Variants in SLC4A4 observed in about 807,000 individuals in gnomAD.
SLC4A4 encodes the protein solute carrier family 4 member 4, also known as electrogenic sodium bicarbonate cotransporter 1.
In SLC4A4, 27 loss-of-function variants were observed where a neutral mutation model predicts 111.5. That is an observed-to-expected ratio of 0.24 (90% CI 0.18 to 0.33). The LOEUF (loss-of-function observed/expected upper bound fraction) is 0.33, where lower values mean the gene tolerates loss of function less well. Among genes scored for constraint, SLC4A4 ranks in the 10% least tolerant of loss-of-function variants. The probability of loss-of-function intolerance (pLI) is 1.00; values close to 1 mark genes in which losing one functional copy is unlikely to be tolerated. For synonymous variants in SLC4A4, 443 were observed against 463.4 expected, an observed-to-expected ratio of 0.96 and a Z score of 0.57; for missense variants, 909 against 1,315.5, an observed-to-expected ratio of 0.69 and a Z score of 4.78.
chr4:71,268,136 A>G (rs1348964748), intron 3 of SLC4A4, among the ~76,000 whole-genome samples: 1 of 129,102 alleles, frequency 7.7e-6, no homozygotes, highest in Non-Finnish European at 1.6e-5. Context: ...TGGCATTGAC[A>G]CGTGAGGTGC....
At chr4:71,393,124 C>A (rs1248368124) in intron 6 of SLC4A4, among the ~76,000 whole-genome samples, 1 of 152,098 alleles carries the variant, frequency 6.6e-6, no homozygotes, top group Non-Finnish European at 1.5e-5. Context: ...AGGATGCCCA[C>A]TTTCACCACC....
intron 7 of SLC4A4, among the ~76,000 whole-genome samples, chr4:71,429,200 A>T (rs1265374063): frequency 1.3e-5 from 2 of 152,084 alleles, no homozygotes; most frequent in Non-Finnish European, 2.9e-5. Flanking sequence ...AGATAACCTA[A>T]AATATGTGAA....
intron 3 of SLC4A4, among the ~76,000 whole-genome samples, chr4:71,332,732 G>A (rs1728117331): frequency 6.6e-6 from 1 of 152,094 alleles, no homozygotes; most frequent in Admixed American, 6.5e-5. Flanking sequence ...GCGCCCGGCC[G>A]ACTGTGTATT....
At chr4:71,468,400 G>C (rs1330122629) in intron 13 of SLC4A4, among the ~76,000 whole-genome samples, 1 of 151,972 alleles carries the variant, frequency 6.6e-6, no homozygotes, top group African/African-American at 2.4e-5. Context: ...ATCCCAGTTT[G>C]TTTTAAGTAA....
intron 24 of SLC4A4, among the ~76,000 whole-genome samples, chr4:71,565,078 TG>T (rs1737339423): frequency 6.6e-6 from 1 of 151,278 alleles, no homozygotes; most frequent in Non-Finnish European, 1.5e-5. Context: ...AGTGTGGGAG[TG>T]GGCCCAAGAA....
chr4:71,533,272 C>T (rs970819842), intron 17 of SLC4A4, among the ~76,000 whole-genome samples: 6 of 152,076 alleles, frequency 3.9e-5, no homozygotes, highest in Admixed American at 3.9e-4. Flanking sequence ...TTGAGTCAGG[C>T]TCTAAGCTGG....
At chr4:71,437,645 C>A in intron 7 of SLC4A4, 1 of 507,128 alleles carries the variant, frequency 2.0e-6, no homozygotes, top group South Asian at 1.5e-5. Context: ...AGTTTATCAC[C>A]CAAACCTTTT....
chr4:71,544,262 G>T (rs1456188071), intron 18 of SLC4A4, among the ~76,000 whole-genome samples: 9 of 152,008 alleles, frequency 5.9e-5, no homozygotes, highest in African/African-American at 2.2e-4. Flanking sequence ...GTTAATTTAA[G>T]CCTTAAGGAT....
chr4:71,156,597 C>CCCACAT, intron 2 of SLC4A4, among the ~76,000 whole-genome samples: 1 of 150,466 alleles, frequency 6.6e-6, no homozygotes. Context: ...CGCACACACA[C>CCCACAT]ACACACACAC....
chr4:71,153,605 T>C (rs1578530003), intron 2 of SLC4A4, among the ~76,000 whole-genome samples: 1 of 152,276 alleles, frequency 6.6e-6, no homozygotes, highest in Middle Eastern at 3.4e-3. Context: ...GAAGATTAAA[T>C]GAAATAACAC....
intron 3 of SLC4A4, among the ~76,000 whole-genome samples, chr4:71,301,482 GGA>G (rs1725252286): frequency 6.6e-6 from 1 of 152,180 alleles, no homozygotes; most frequent in Non-Finnish European, 1.5e-5. Context: ...CTGCAGGAAG[GGA>G]GGCAAGGATA....
At chr4:71,107,185 C>G (rs1260559401) in intron 2 of SLC4A4, among the ~76,000 whole-genome samples, 10 of 151,942 alleles carry the variant, frequency 6.6e-5, no homozygotes, top group Non-Finnish European at 1.0e-4. Flanking sequence ...TTTATTCATT[C>G]TGCCAATCTC....
intron 6 of SLC4A4, among the ~76,000 whole-genome samples, chr4:71,371,592 T>C (rs1321436067): frequency 6.6e-6 from 1 of 152,110 alleles, no homozygotes; most frequent in Non-Finnish European, 1.5e-5. Context: ...CAGTAGGACC[T>C]GAATGAAGTT....
chr4:71,529,223 G>T (rs1431850598), intron 16 of SLC4A4, among the ~76,000 whole-genome samples: 2 of 152,014 alleles, frequency 1.3e-5, no homozygotes, highest in Admixed American at 6.6e-5. Flanking sequence ...AGGGGGTGTT[G>T]GGGTACATTT....
At chr4:71,082,239 G>A (rs1742012967) in intron 1 of SLC4A4, among the ~76,000 whole-genome samples, 1 of 151,936 alleles carries the variant, frequency 6.6e-6, no homozygotes, top group South Asian at 2.1e-4. Flanking sequence ...TGCTTAACTT[G>A]GATGTATCTG....
At chr4:71,511,164 TATTA>T (rs1419531631) in intron 16 of SLC4A4, among the ~76,000 whole-genome samples, 7 of 152,126 alleles carry the variant, frequency 4.6e-5, no homozygotes, top group African/African-American at 1.4e-4. Flanking sequence ...ACAATTACAG[TATTA>T]ATTTTCTGAA....
intron 9 of SLC4A4, among the ~76,000 whole-genome samples, chr4:71,448,981 A>G (rs956896616): frequency 6.6e-6 from 1 of 152,062 alleles, no homozygotes; most frequent in Non-Finnish European, 1.5e-5. Context: ...TGTAATTTAG[A>G]TCTGTTTTAA....
intron 9 of SLC4A4, among the ~76,000 whole-genome samples, chr4:71,448,252 A>G (rs1187937111): frequency 1.3e-5 from 2 of 150,610 alleles, no homozygotes; most frequent in Non-Finnish European, 3.0e-5. Flanking sequence ...CCTGAGATGC[A>G]GAGGTTGCAG....
At chr4:71,113,793 T>C (rs1743161081) in intron 2 of SLC4A4, among the ~76,000 whole-genome samples, 1 of 152,194 alleles carries the variant, frequency 6.6e-6, no homozygotes, top group Non-Finnish European at 1.5e-5. Context: ...GGATCACTCC[T>C]GAAAAATTAA....
Sources: gnomAD v4.1 joint callset for allele counts (sites outside exome capture counted in the v4.1 genomes callset) on GRCh38, gnomAD v4.1.1 for gene constraint, MANE v1.5 for transcripts, NCBI Gene and HGNC (gene_info 2026-07-23, HGNC 2026-07-21) for gene names.